RPTOR: variants seen among roughly 807,000 people sequenced by gnomAD.
The protein encoded by RPTOR is regulatory-associated protein of mTOR.
Under a neutral mutation model 169.9 loss-of-function variants are expected in RPTOR, and 21 were observed. The observed-to-expected ratio is 0.12, with a 90% CI of 0.09 to 0.18. The LOEUF (loss-of-function observed/expected upper bound fraction) is 0.18, where lower values mean the gene tolerates loss of function less well. Ranked by LOEUF, RPTOR falls within the 10% of genes least tolerant of loss-of-function variation. The pLI is 1.00. For synonymous variants in RPTOR, 732 were observed against 753.2 expected (o/e 0.97, Z 0.46); for missense variants, 1,133 against 1,855.9 (o/e 0.61, Z 7.16).
At chr17:80,868,269 A>C (rs1033995892) in intron 13 of RPTOR, among the ~76,000 whole-genome samples, 1 of 152,236 alleles carries the variant, frequency 6.6e-6, no homozygotes, top group African/African-American at 2.4e-5. Flanking sequence ...AAAATTGGGC[A>C]AAAGGTTTGA....
chr17:80,821,803 G>A (rs931694975), intron 7 of RPTOR, among the ~76,000 whole-genome samples: 2 of 152,220 alleles, frequency 1.3e-5, no homozygotes, highest in Non-Finnish European at 1.5e-5. Context: ...CATGGACGGT[G>A]TACTTCCACA....
chr17:80,663,028 G>A (rs1180786043), intron 3 of RPTOR, among the ~76,000 whole-genome samples: 1 of 152,148 alleles, frequency 6.6e-6, no homozygotes, highest in Non-Finnish European at 1.5e-5. Flanking sequence ...TGCCCAGGTG[G>A]CCTCACTTAT....
chr17:80,839,861 G>C (rs772297508), intron 10 of RPTOR, among the ~76,000 whole-genome samples: 1 of 152,150 alleles, frequency 6.6e-6, no homozygotes, highest in African/African-American at 2.4e-5. Context: ...TTCTGTGCCA[G>C]GTATCTTTGC....
At chr17:80,915,494 G>A (rs1357445638) in intron 21 of RPTOR, among the ~76,000 whole-genome samples, 2 of 122,608 alleles carry the variant, frequency 1.6e-5, no homozygotes, top group Admixed American at 7.7e-5. Context: ...AACCACTCCA[G>A]GGTCTCCTCT....
chr17:80,702,850 G>T (rs991097891), intron 3 of RPTOR, among the ~76,000 whole-genome samples: 11 of 152,300 alleles, frequency 7.2e-5, no homozygotes, highest in African/African-American at 2.6e-4. Flanking sequence ...AGGAGACAGC[G>T]AATGATTTTC....
rs2068954701 is a variant in RPTOR, at chr17:80,936,352, T to C, written c.2920-4144T>C. ...GCAACCTAACCATTCTACTCCTGGA[T>C]ATTCACCAAGAGAAGTGAAAACATG... On this transcript the variant is annotated intron_variant, in intron 24 of 33. Transcript: ENST00000306801. This position sits in a 1 kb window ranked among gnomAD's most constrained non-coding sequence, Gnocchi z 4.1. Among the ~76,000 whole-genome samples, 1 of 152,226 alleles carries C rather than the reference T, an allele frequency of 6.6e-6. No individual in the cohort carries two copies. The highest frequency in any genetic ancestry group is 1.5e-5 in the Non-Finnish European group (1 of 68,042).
At chr17:80,896,304 G>A (rs2068397873) in intron 20 of RPTOR, among the ~76,000 whole-genome samples, 1 of 140,202 alleles carries the variant, frequency 7.1e-6, no homozygotes, top group Non-Finnish European at 1.6e-5. Context: ...GGTCTGAGTG[G>A]GGGCTCCATT....
intron 6 of RPTOR, among the ~76,000 whole-genome samples, chr17:80,779,058 C>T (rs1248076495): frequency 6.6e-6 from 1 of 152,164 alleles, no homozygotes; most frequent in Admixed American, 6.5e-5. Flanking sequence ...ACTGGAGAAG[C>T]CGTGCTGTTA....
intron 4 of RPTOR, among the ~76,000 whole-genome samples, chr17:80,713,217 C>T (rs1006260762): frequency 3.3e-5 from 5 of 152,088 alleles, no homozygotes; most frequent in African/African-American, 1.2e-4. Context: ...TACAGGCACC[C>T]GCCTCCACGC....
chr17:80,914,178 G>T (rs55700288), intron 21 of RPTOR, among the ~76,000 whole-genome samples: 5,592 of 152,346 alleles, frequency 0.037, 245 homozygotes, highest in African/African-American at 0.11. Flanking sequence ...TACAGCTGGG[G>T]AGGTGTGGCC....
chr17:80,600,863 C>T (rs1230870198), intron 1 of RPTOR, among the ~76,000 whole-genome samples: 2 of 75,670 alleles, frequency 2.6e-5, no homozygotes, highest in Non-Finnish European at 6.2e-5. Flanking sequence ...TCCCGCCGCA[C>T]GTGCCCTCTC....
intron 33 of RPTOR, among the ~76,000 whole-genome samples, chr17:80,964,055 C>A (rs1598429873): frequency 6.6e-6 from 1 of 152,174 alleles, no homozygotes; most frequent in Non-Finnish European, 1.5e-5. Context: ...CCCGGGGCAG[C>A]GCCACGCCCC....
intron 14 of RPTOR, among the ~76,000 whole-genome samples, chr17:80,880,905 T>C (rs2068179892): frequency 6.6e-6 from 1 of 152,138 alleles, no homozygotes; most frequent in African/African-American, 2.4e-5. Context: ...AAGCACCCCA[T>C]TTCAGGAAGG....
At chr17:80,594,854 C>A (rs992116767) in intron 1 of RPTOR, among the ~76,000 whole-genome samples, 4 of 152,176 alleles carry the variant, frequency 2.6e-5, no homozygotes, top group Admixed American at 2.6e-4. Context: ...TAGAGATGAA[C>A]CCCTGCAACA....
chr17:80,774,486 G>A (rs1199446819), intron 6 of RPTOR, among the ~76,000 whole-genome samples: 3 of 152,222 alleles, frequency 2.0e-5, no homozygotes, highest in Admixed American at 2.0e-4. Context: ...TGCTCCGCGT[G>A]CGGCCGTCTG....
chr17:80,853,476 G>A (rs1184469165), intron 11 of RPTOR, among the ~76,000 whole-genome samples: 2 of 152,150 alleles, frequency 1.3e-5, no homozygotes, highest in Non-Finnish European at 2.9e-5. Flanking sequence ...TTTAATGTCT[G>A]TCTCCCAGGC....
chr17:80,721,579 C>T lies in RPTOR; in HGVS notation c.508-8981C>T, dbSNP rs1004135978. On this transcript the variant is annotated intron_variant, in intron 4 of 33. Coordinates refer to ENST00000306801, the MANE Select transcript of RPTOR (RefSeq NM_020761.3). The surrounding 1 kb of genome is among the most constrained non-coding windows in gnomAD (Gnocchi z 4.7). The stretch of plus-strand genomic sequence containing the variant: ...GCAGGAGCATCCTTTGGGCTCTTAC[C>T]TCAGTCGGTGGGGCTGGGCAGCTGG... Among the ~76,000 whole-genome samples, 1 of 151,348 alleles carries T rather than the reference C, an allele frequency of 6.6e-6. No individual in the cohort carries two copies. Among genetic ancestry groups the T allele is most frequent in the African/African-American group, 2.5e-5 (1 of 40,646 alleles).
At chr17:80,579,447 C>T (rs1418236518) in intron 1 of RPTOR, among the ~76,000 whole-genome samples, 1 of 152,218 alleles carries the variant, frequency 6.6e-6, no homozygotes, top group African/African-American at 2.4e-5. Context: ...CTGCCTCAGC[C>T]TCCCAAAGTG....
chr17:80,734,199 T>A (rs1046477349), intron 5 of RPTOR, among the ~76,000 whole-genome samples: 4 of 152,240 alleles, frequency 2.6e-5, no homozygotes, highest in Non-Finnish European at 5.9e-5. Context: ...TTGAATTACC[T>A]ATCGTTACCA....
Sources: allele counts gnomAD v4.1 joint callset (sites outside exome capture counted in the v4.1 genomes callset), GRCh38; gene constraint gnomAD v4.1.1; non-coding constraint Gnocchi (gnomAD v3.1); transcripts MANE v1.5; gene names NCBI Gene and HGNC (gene_info 2026-07-23, HGNC 2026-07-21).